GALNT8: variants seen among roughly 807,000 people sequenced by gnomAD.
The protein encoded by GALNT8 is polypeptide N-acetylgalactosaminyltransferase 8.
Under a neutral mutation model 62.7 loss-of-function variants are expected in GALNT8, and 66 were observed. That is an observed-to-expected ratio of 1.05 (90% confidence interval 0.86 to 1.29). GALNT8 has a LOEUF of 1.29. GALNT8 is among the 50% of genes most tolerant of loss of function. GALNT8 has a pLI of 0.00. For synonymous variants in GALNT8, 288 were observed against 294.3 expected (o/e 0.98, Z 0.22); for missense variants, 771 against 791.8 (o/e 0.97, Z 0.32).
chr12:4,756,437 T>G (rs1946345320), intron 6 of GALNT8, among the ~76,000 whole-genome samples: 1 of 152,224 alleles, frequency 6.6e-6, no homozygotes, highest in Non-Finnish European at 1.5e-5. Context: ...ACATATGGTT[T>G]ACACTCAATA....
chr12:4,724,806 C>T (rs1252983902), intron 1 of GALNT8, among the ~76,000 whole-genome samples: 2 of 152,140 alleles, frequency 1.3e-5, no homozygotes, highest in Non-Finnish European at 1.5e-5. Flanking sequence ...GCCAGTCTTA[C>T]GTCACTTTAC....
intron 6 of GALNT8, among the ~76,000 whole-genome samples, chr12:4,747,567 G>T: frequency 6.6e-6 from 1 of 151,402 alleles, no homozygotes. Flanking sequence ...TTTTTTTTAT[G>T]GCTGAATAAT....
intron 10 of GALNT8, among the ~76,000 whole-genome samples, chr12:4,770,064 C>T (rs1160321384): frequency 1.3e-5 from 2 of 151,976 alleles, no homozygotes; most frequent in Non-Finnish European, 2.9e-5. Flanking sequence ...TTTGGGAGGC[C>T]GAGGCGGGCA....
chr12:4,747,266 A>C (rs1017184358), intron 6 of GALNT8, among the ~76,000 whole-genome samples: 1 of 152,210 alleles, frequency 6.6e-6, no homozygotes, highest in African/African-American at 2.4e-5. Context: ...TTAAATTATT[A>C]TTAACTATAG....
At chr12:4,727,743 G>T (rs1305605723) in intron 2 of GALNT8, among the ~76,000 whole-genome samples, 1 of 151,962 alleles carries the variant, frequency 6.6e-6, no homozygotes, top group Non-Finnish European at 1.5e-5. Flanking sequence ...TATACCTACC[G>T]CATTTCCTTT....
chr12:4,744,197 A>G (rs1464061338), intron 3 of GALNT8, among the ~76,000 whole-genome samples: 2 of 152,196 alleles, frequency 1.3e-5, no homozygotes, highest in African/African-American at 4.8e-5. Flanking sequence ...CTTAGGCTAG[A>G]TCTGTCCACT....
chr12:4,729,514 A>C (rs1459936540), intron 2 of GALNT8, among the ~76,000 whole-genome samples: 1 of 152,170 alleles, frequency 6.6e-6, no homozygotes, highest in Admixed American at 6.5e-5. Context: ...TTCCACCTGT[A>C]AGTGAGATCA....
chr12:4,733,578 A>T (rs1946230088), intron 2 of GALNT8, among the ~76,000 whole-genome samples: 1 of 152,242 alleles, frequency 6.6e-6, no homozygotes, highest in Admixed American at 6.5e-5. Flanking sequence ...TCCATTTAAC[A>T]TAATCACCTA....
chr12:4,759,294 G>T (rs1203579225), intron 6 of GALNT8, among the ~76,000 whole-genome samples: 4 of 152,042 alleles, frequency 2.6e-5, no homozygotes, highest in African/African-American at 9.7e-5. Context: ...GAGAGCCAGA[G>T]AAGGATAATG....
intron 3 of GALNT8, among the ~76,000 whole-genome samples, chr12:4,744,171 C>T (rs575483157): frequency 5.3e-5 from 8 of 152,192 alleles, no homozygotes; most frequent in Non-Finnish European, 1.2e-4. Flanking sequence ...GCAGTGTTTT[C>T]CATCAACCTG....
Position 4,760,974 on chromosome 12 carries a change from G to A in GALNT8, c.1190G>A (p.Gly397Glu), listed in dbSNP as rs2137541625. ...ELSLRVWQCG[G>E]KVEILPCSRI... ...CTTCTGCAGGTGTGGCAGTGTGGAG[G>A]GAAGGTCGAGATTTTGCCCTGTTCC... is the stretch of plus-strand genomic sequence containing the variant. Residue 397 changes from glycine (G) to glutamate (E), a missense_variant, in exon 7 of 11, where the codon GGG (glycine) becomes GAG (glutamate). Physicochemically the swap from Gly to Glu is moderately conservative, Grantham distance 98. Coordinates refer to ENST00000252318, the MANE Select transcript of GALNT8 (RefSeq NM_017417.2). 6.2e-7 allele frequency: 1 copy of A among 1,614,008 alleles called. No homozygotes were observed. Among genetic ancestry groups the A allele is most frequent in the East Asian group, 2.2e-5 (1 of 44,880 alleles).
rs765936738 is a variant in GALNT8, at chr12:4,739,217, A to G, written c.564A>G (p.Ile188Met). Residue 188 changes from isoleucine to methionine, a missense_variant, in exon 3 of 11, where the codon ATA becomes ATG. Ile to Met is a conservative substitution (Grantham distance 10). Transcript: ENST00000252318. Reference sequence around the variant, plus strand: ...TCCCATCCCTCAGTGTCATTCTCATATTCGTGAATGAAGCTCTGTCCATTA... The same window carrying G: ...TCCCATCCCTCAGTGTCATTCTCATGTTCGTGAATGAAGCTCTGTCCATTA... ...SQLPSLSVIL[I>M]FVNEALSIIQ... is the part of the protein sequence containing the mutation. The G allele has an allele frequency of 3.1e-6, 5 of 1,613,024 alleles. No individual in the cohort carries two copies. Among genetic ancestry groups the G allele is most frequent in the Non-Finnish European group, 4.2e-6 (5 of 1,179,120 alleles).
chr12:4,744,373 ATAC>A, intron 3 of GALNT8, 141 bp from the exon 4 acceptor site: 1 of 598,530 alleles, frequency 1.7e-6, no homozygotes, highest in Middle Eastern at 4.5e-4. Context: ...TGCAGGGGAA[ATAC>A]TACTTATTTT....
intron 10 of GALNT8, chr12:4,768,521 T>A (rs1267779980): frequency 3.0e-6 from 1 of 336,864 alleles, no homozygotes; most frequent in East Asian, 8.6e-5. Context: ...GATGATCGCC[T>A]TCTCAGCTGA....
At chr12:4,734,314 C>G (rs1337173762) in intron 2 of GALNT8, among the ~76,000 whole-genome samples, 1 of 152,158 alleles carries the variant, frequency 6.6e-6, no homozygotes, top group African/African-American at 2.4e-5. Context: ...ACTGTACCAC[C>G]CTCTTACAGC....
chr12:4,747,287 G>A (rs1002175117), intron 6 of GALNT8, among the ~76,000 whole-genome samples: 3 of 152,044 alleles, frequency 2.0e-5, no homozygotes, highest in Non-Finnish European at 4.4e-5. Context: ...TCATCCTATT[G>A]TGCCATCAAA....
intron 7 of GALNT8, among the ~76,000 whole-genome samples, chr12:4,761,619 T>G (rs1946373276): frequency 6.6e-6 from 1 of 151,328 alleles, no homozygotes; most frequent in African/African-American, 2.4e-5. Context: ...TTTTTTAAGT[T>G]TTTTTTTTGG....
At chr12:4,745,703 T>A in intron 5 of GALNT8, 77 bp downstream of exon 5, 1 of 1,119,108 alleles carries the variant, frequency 8.9e-7, no homozygotes, top group Non-Finnish European at 1.3e-6. Context: ...TTGTTTATCT[T>A]TGGTGGTAGT....
chr12:4,727,728 T>C (rs181753025), intron 2 of GALNT8, among the ~76,000 whole-genome samples: 1 of 152,360 alleles, frequency 6.6e-6, no homozygotes, highest in East Asian at 1.9e-4. Flanking sequence ...TTTCATTGTC[T>C]GGATTATACC....
Sources: allele counts gnomAD v4.1 joint callset (sites outside exome capture counted in the v4.1 genomes callset), GRCh38; gene constraint gnomAD v4.1.1; transcripts MANE v1.5; gene names NCBI Gene and HGNC (gene_info 2026-07-23, HGNC 2026-07-21).